The following FGF14 variants were observed in gnomAD, a reference collection of about 807,000 sequenced individuals.
FGF14 encodes the protein fibroblast growth factor homologous factor 4.
A neutral mutation model predicts 25.5 loss-of-function variants in FGF14; 5 were observed. That is an observed-to-expected ratio of 0.20 (90% confidence interval 0.10 to 0.41). The LOEUF is 0.41. FGF14 is among the 10% of genes least tolerant of loss of function. The pLI, the probability that FGF14 is intolerant of heterozygous loss-of-function variation, is 1.00. For missense variants in FGF14, 222 were observed against 320.1 expected, an observed-to-expected ratio of 0.69 and a Z score of 2.34; for synonymous variants, 138 against 118.3, an observed-to-expected ratio of 1.17 and a Z score of -1.08.
intron 1 of FGF14, among the ~76,000 whole-genome samples, chr13:101,915,920 C>T (rs1016737015): frequency 1.3e-5 from 2 of 152,206 alleles, no homozygotes; most frequent in African/African-American, 2.4e-5. Flanking sequence ...AGTTCACACA[C>T]CCTCCACTCC....
chr13:102,040,467 G>A (rs2041679634), intron 1 of FGF14, among the ~76,000 whole-genome samples: 1 of 152,134 alleles, frequency 6.6e-6, no homozygotes, highest in African/African-American at 2.4e-5. Context: ...TACAGAAACA[G>A]TAACAAAGAG....
chr13:101,764,014 T>G (rs1566871169), intron 3 of FGF14, among the ~76,000 whole-genome samples: 2 of 152,068 alleles, frequency 1.3e-5, no homozygotes. Context: ...GAATTTGAAG[T>G]AAGAAAGTTA....
intron 1 of FGF14, among the ~76,000 whole-genome samples, chr13:102,383,598 C>T (rs943919425): frequency 6.6e-6 from 1 of 152,190 alleles, no homozygotes; most frequent in Non-Finnish European, 1.5e-5. Context: ...TGAGTAGAAT[C>T]TCCTGTCATG....
intron 1 of FGF14, among the ~76,000 whole-genome samples, chr13:101,923,252 CA>C (rs2034133785): frequency 6.6e-6 from 1 of 152,024 alleles, no homozygotes; most frequent in Non-Finnish European, 1.5e-5. Flanking sequence ...CATTTTTCAA[CA>C]TCTCCAAAAT....
intron 1 of FGF14, among the ~76,000 whole-genome samples, chr13:101,897,617 C>G (rs986052054): frequency 1.3e-5 from 2 of 152,134 alleles, no homozygotes; most frequent in African/African-American, 4.8e-5. Context: ...TTATTAGAGA[C>G]TTTTTCAGGT....
intron 1 of FGF14, among the ~76,000 whole-genome samples, chr13:102,331,553 A>C (rs1027038565): frequency 6.6e-6 from 1 of 152,218 alleles, no homozygotes; most frequent in Non-Finnish European, 1.5e-5. Flanking sequence ...GCAAAATGTC[A>C]ACATCTGATT....
intron 1 of FGF14, among the ~76,000 whole-genome samples, chr13:101,902,527 A>G (rs1007942160): frequency 1.3e-5 from 2 of 152,214 alleles, no homozygotes; most frequent in Non-Finnish European, 2.9e-5. Context: ...CTTGCAGCCA[A>G]TAGTGATGCA....
intron 3 of FGF14, among the ~76,000 whole-genome samples, chr13:101,867,889 G>GACAC (rs370683665): frequency 0.084 from 11,753 of 140,538 alleles, 532 homozygotes; most frequent in Middle Eastern, 0.13. Context: ...TTCTGTTTAA[G>GACAC]ACACACACAC....
intron 3 of FGF14, among the ~76,000 whole-genome samples, chr13:101,729,369 T>C (rs1164942562): frequency 6.6e-6 from 1 of 152,162 alleles, no homozygotes; most frequent in Non-Finnish European, 1.5e-5. Context: ...GCATTTCCTA[T>C]AGAACCGATA....
chr13:102,129,093 T>C (rs2140401439), intron 1 of FGF14, among the ~76,000 whole-genome samples: 1 of 151,874 alleles, frequency 6.6e-6, no homozygotes, highest in East Asian at 1.9e-4. Context: ...AATTAAAAAA[T>C]ACAAAACTTA....
At chr13:102,295,422 C>T (rs191217147) in intron 1 of FGF14, among the ~76,000 whole-genome samples, 248 of 152,208 alleles carry the variant, frequency 1.6e-3, no homozygotes, top group Non-Finnish European at 3.0e-3. Context: ...CCCTTAGCAG[C>T]CTTAAGTTTT....
At chr13:101,873,653 G>A (rs1383382493) in intron 2 of FGF14, among the ~76,000 whole-genome samples, 1 of 152,038 alleles carries the variant, frequency 6.6e-6, no homozygotes, top group Admixed American at 6.6e-5. Flanking sequence ...AGAGTTTAAG[G>A]GGAAAAGAAA....
Position 102,044,548 on chromosome 13 carries a change from T to C in FGF14, c.209-169252A>G, listed in dbSNP as rs143674958. 8.5e-3 allele frequency among the ~76,000 whole-genome samples: 1,275 copies of C among 150,542 alleles called. 17 individuals carry two copies. Among genetic ancestry groups the C allele is most frequent in the African/African-American group, 0.029 (1,200 of 41,210 alleles). On this transcript the variant is annotated intron_variant, in intron 1 of 4. Coordinates refer to the FGF14 transcript ENST00000376131. Reference sequence around the variant, plus strand: ...AGTCTCCTCTTTCGTAAAAAAAAAATGCACAAAATTTTCTATAAGTTTCAG... The same window carrying C: ...AGTCTCCTCTTTCGTAAAAAAAAAACGCACAAAATTTTCTATAAGTTTCAG...
intron 1 of FGF14, among the ~76,000 whole-genome samples, chr13:102,142,037 T>C (rs1041558294): frequency 3.9e-5 from 6 of 152,266 alleles, no homozygotes; most frequent in South Asian, 4.1e-4. Flanking sequence ...GAAATATCAA[T>C]GGTTCATAAG....
chr13:102,154,025 T>C (rs977651114), intron 1 of FGF14, among the ~76,000 whole-genome samples: 1 of 152,150 alleles, frequency 6.6e-6, no homozygotes, highest in Non-Finnish European at 1.5e-5. Flanking sequence ...TGTCTCTGGG[T>C]TATCCAACTT....
At chr13:102,263,838 T>C (rs1014232876) in intron 1 of FGF14, among the ~76,000 whole-genome samples, 2 of 152,146 alleles carry the variant, frequency 1.3e-5, no homozygotes, top group Non-Finnish European at 2.9e-5. Flanking sequence ...CTGTTTAACG[T>C]ATTTGAAAGG....
At chr13:102,349,073 CT>C (rs1374278518) in intron 1 of FGF14, among the ~76,000 whole-genome samples, 1 of 152,126 alleles carries the variant, frequency 6.6e-6, no homozygotes, top group African/African-American at 2.4e-5. Flanking sequence ...GGTAATGATA[CT>C]AGCACCTATT....
intron 1 of FGF14, among the ~76,000 whole-genome samples, chr13:102,291,384 G>T (rs1163188096): frequency 6.6e-6 from 1 of 152,166 alleles, no homozygotes; most frequent in Non-Finnish European, 1.5e-5. Context: ...CTGAGTAGAA[G>T]GCAGAGAGGA....
chr13:102,099,463 CA>C (rs1237740370), intron 1 of FGF14, among the ~76,000 whole-genome samples: 1 of 152,108 alleles, frequency 6.6e-6, no homozygotes, highest in African/African-American at 2.4e-5. Context: ...ATGATAAAAA[CA>C]AAATAGGACC....
Sources: gnomAD v4.1 joint callset for allele counts (sites outside exome capture counted in the v4.1 genomes callset) on GRCh38, gnomAD v4.1.1 for gene constraint, MANE v1.5 for transcripts, NCBI Gene and HGNC (gene_info 2026-07-23, HGNC 2026-07-21) for gene names.